Variants in ADGRL3 observed in about 807,000 individuals in gnomAD.
The protein encoded by ADGRL3 is calcium-independent alpha-latrotoxin receptor 3.
Under a neutral mutation model 153.5 loss-of-function variants are expected in ADGRL3, and 62 were observed. That is an observed-to-expected ratio of 0.40 (90% confidence interval 0.33 to 0.50). The LOEUF is 0.50. Ranked by LOEUF, ADGRL3 falls within the 20% of genes least tolerant of loss-of-function variation. ADGRL3 has a pLI of 0.47. For missense variants in ADGRL3, 1,641 were observed against 1,859.4 expected (o/e 0.88, Z 2.16); for synonymous variants, 710 against 672.5 (o/e 1.06, Z -0.86).
chr4:61,935,714 T>A (rs1413589720), intron 14 of ADGRL3, among the ~76,000 whole-genome samples: 1 of 152,208 alleles, frequency 6.6e-6, no homozygotes, highest in Non-Finnish European at 1.5e-5. Context: ...ATTATTGACA[T>A]GTTTGTATTA....
intron 2 of ADGRL3, among the ~76,000 whole-genome samples, chr4:61,446,623 T>A (rs1406602438): frequency 6.6e-6 from 1 of 152,154 alleles, no homozygotes; most frequent in African/African-American, 2.4e-5. Flanking sequence ...TGCAATTGAA[T>A]AAATAAAGAT....
At chr4:61,981,809 T>C (rs2099069382) in intron 18 of ADGRL3, among the ~76,000 whole-genome samples, 1 of 152,194 alleles carries the variant, frequency 6.6e-6, no homozygotes, top group African/African-American at 2.4e-5. Flanking sequence ...TGTGTCCATA[T>C]GTATGGAGTG....
At chr4:61,901,996 A>G (rs2098667190) in intron 11 of ADGRL3, among the ~76,000 whole-genome samples, 2 of 152,194 alleles carry the variant, frequency 1.3e-5, no homozygotes, top group Non-Finnish European at 2.9e-5. Flanking sequence ...AATGTATTTC[A>G]GCCCTGCCTA....
chr4:61,732,926 T>C lies in ADGRL3; in HGVS notation c.771T>C (p.Asp257=), dbSNP rs1484454187. 6 of 1,613,664 alleles carry C rather than the reference T, an allele frequency of 3.7e-6. No individual in the cohort carries two copies. Among genetic ancestry groups the C allele is most frequent in the African/African-American group, 2.7e-5 (2 of 74,894 alleles). Residue 257 remains aspartate (D), a synonymous_variant, in exon 8 of 27, where the codon GAT becomes GAC. Coordinates refer to ENST00000683033, the MANE Select transcript of ADGRL3 (RefSeq NM_001387552.1). ...TDTLTEYSSK[D]DFIAGRPTTT... is the part of the protein sequence containing the mutation. ...CCCTGACTGAGTATTCATCCAAGGA[T>C]GACTTCATTGCTGGAAGACCAACTA...
chr4:61,847,180 A>C (rs2098127200), intron 9 of ADGRL3, among the ~76,000 whole-genome samples: 1 of 151,966 alleles, frequency 6.6e-6, no homozygotes, highest in Admixed American at 6.6e-5. Flanking sequence ...TAATTAGTTC[A>C]TATTAATAGC....
intron 24 of ADGRL3, among the ~76,000 whole-genome samples, chr4:62,038,613 G>GT (rs543581112): frequency 6.8e-4 from 103 of 151,974 alleles, no homozygotes; most frequent in Non-Finnish European, 1.1e-3. Flanking sequence ...TTATTTGTTT[G>GT]TTTTTTGAGA....
intron 8 of ADGRL3, among the ~76,000 whole-genome samples, chr4:61,745,359 T>C (rs1459600515): frequency 3.3e-5 from 5 of 151,858 alleles, no homozygotes; most frequent in Admixed American, 2.6e-4. Context: ...ATACAGAGAA[T>C]GCCACAAAGA....
intron 1 of ADGRL3, among the ~76,000 whole-genome samples, chr4:61,367,215 T>C (rs114025998): frequency 0.016 from 2,369 of 152,102 alleles, 65 homozygotes; most frequent in African/African-American, 0.055. Flanking sequence ...AGACAAGTTT[T>C]TTAAAACTGT....
At chr4:61,709,358 A>G (rs1309928352) in intron 6 of ADGRL3, among the ~76,000 whole-genome samples, 1 of 152,142 alleles carries the variant, frequency 6.6e-6, no homozygotes, top group Non-Finnish European at 1.5e-5. Flanking sequence ...TCATTTCCTT[A>G]GCAAAATTAT....
At chr4:61,697,023 A>G (rs1323779813) in intron 6 of ADGRL3, among the ~76,000 whole-genome samples, 2 of 152,006 alleles carry the variant, frequency 1.3e-5, no homozygotes. Flanking sequence ...TTTCTTATCC[A>G]TATTCATAAC....
chr4:61,851,941 G>T (rs1362470449), intron 9 of ADGRL3, among the ~76,000 whole-genome samples: 2 of 152,098 alleles, frequency 1.3e-5, no homozygotes, highest in Non-Finnish European at 2.9e-5. Context: ...AGTTTGTCAG[G>T]AACTGATTAT....
chr4:61,566,681 C>G (rs964080210), intron 4 of ADGRL3, among the ~76,000 whole-genome samples: 1 of 151,852 alleles, frequency 6.6e-6, no homozygotes, highest in African/African-American at 2.4e-5. Flanking sequence ...AAGCTAAGAG[C>G]TATATATAAT....
intron 4 of ADGRL3, among the ~76,000 whole-genome samples, chr4:61,567,845 C>A (rs987725111): frequency 1.3e-5 from 2 of 152,064 alleles, no homozygotes; most frequent in Non-Finnish European, 2.9e-5. Context: ...GATTAACTGG[C>A]CCATTATTAA....
chr4:61,484,461 G>A (rs2098167715), intron 2 of ADGRL3, among the ~76,000 whole-genome samples: 1 of 152,112 alleles, frequency 6.6e-6, no homozygotes, highest in South Asian at 2.1e-4. Context: ...TAAATAAAAT[G>A]TTAGCTTAAG....
intron 24 of ADGRL3, among the ~76,000 whole-genome samples, chr4:62,043,037 G>A (rs1411360457): frequency 6.6e-6 from 1 of 151,978 alleles, no homozygotes; most frequent in Non-Finnish European, 1.5e-5. Context: ...CATTACTGCA[G>A]GAGGCTATGA....
chr4:61,588,488 G>A (rs141996454), intron 5 of ADGRL3, among the ~76,000 whole-genome samples: 2,309 of 151,800 alleles, frequency 0.015, 53 homozygotes, highest in African/African-American at 0.052. Context: ...TTATAAATAC[G>A]AATTATAATA....
At chr4:61,281,365 A>T (rs1560421569) in intron 1 of ADGRL3, among the ~76,000 whole-genome samples, 1 of 152,132 alleles carries the variant, frequency 6.6e-6, no homozygotes, top group Non-Finnish European at 1.5e-5. Flanking sequence ...TATTTCTCTG[A>T]CCTAACCTTT....
At chr4:62,007,383 T>TATATATATATACACACAC (rs71213024) in intron 21 of ADGRL3, among the ~76,000 whole-genome samples, 1 of 30,780 alleles carries the variant, frequency 3.2e-5, no homozygotes, top group Non-Finnish European at 6.5e-5. Context: ...TATATATATA[T>TATATATATATACACACAC]ACACACACAC....
At chr4:61,230,688 G>A (rs1261690775) in intron 1 of ADGRL3, among the ~76,000 whole-genome samples, 2 of 151,976 alleles carry the variant, frequency 1.3e-5, no homozygotes, top group Non-Finnish European at 2.9e-5. Flanking sequence ...CGTAGCCTGT[G>A]GCTTATGTTT....
Sources: allele counts gnomAD v4.1 joint callset (sites outside exome capture counted in the v4.1 genomes callset), GRCh38; gene constraint gnomAD v4.1.1; transcripts MANE v1.5; gene names NCBI Gene and HGNC (gene_info 2026-07-23, HGNC 2026-07-21).